Variants in UNC80 observed in about 807,000 individuals in gnomAD.
UNC80 encodes the protein protein unc-80 homolog.
In UNC80, 164 loss-of-function variants were observed where a neutral mutation model predicts 384.6. That is an observed-to-expected ratio of 0.43 (90% confidence interval 0.38 to 0.49). The LOEUF (loss-of-function observed/expected upper bound fraction) is 0.49. Among genes scored for constraint, UNC80 ranks in the 20% least tolerant of loss-of-function variants. UNC80 has a pLI of 0.00. For missense variants in UNC80, 3,330 were observed against 4,143.0 expected (o/e 0.80, Z 5.39); for synonymous variants, 1,486 against 1,527.8 (o/e 0.97, Z 0.64).
At chr2:209,994,806 T>G (rs773390871) in intron 64 of UNC80, among the ~76,000 whole-genome samples, 10 of 152,152 alleles carry the variant, frequency 6.6e-5, no homozygotes, top group Non-Finnish European at 1.5e-4. Flanking sequence ...TTAAAAAAAT[T>G]AAGTTACCAG....
At chr2:209,877,164 G>T (rs1211813769) in intron 23 of UNC80, among the ~76,000 whole-genome samples, 2 of 151,996 alleles carry the variant, frequency 1.3e-5, no homozygotes, top group Non-Finnish European at 2.9e-5. Context: ...TTCTATTGTT[G>T]CATGCAGTAT....
intron 40 of UNC80, among the ~76,000 whole-genome samples, chr2:209,936,301 A>G (rs1334130689): frequency 6.6e-6 from 1 of 152,210 alleles, no homozygotes; most frequent in Non-Finnish European, 1.5e-5. Context: ...ATCAAGTGAT[A>G]AGACTTCTCT....
intron 53 of UNC80, 99 bp downstream of exon 53, chr2:209,969,990 C>A: frequency 1.4e-6 from 2 of 1,443,386 alleles, no homozygotes; most frequent in Non-Finnish European, 1.9e-6. Context: ...CTTTGTGCCC[C>A]TATCTGCCCA....
chr2:209,808,878 G>A (rs1460481140), intron 7 of UNC80: 2 of 313,436 alleles, frequency 6.4e-6, no homozygotes, highest in Non-Finnish European at 1.2e-5. Context: ...TGCCGGACTC[G>A]AATCCAGAGT....
chr2:209,912,766 G>A (rs1346985017), intron 30 of UNC80, 99 bp downstream of exon 30: 2 of 786,314 alleles, frequency 2.5e-6, no homozygotes, highest in Non-Finnish European at 4.0e-6. Context: ...ACATCAGTTG[G>A]TACAGTGTTG....
chr2:209,831,008 C>G (rs1479371650), intron 15 of UNC80, among the ~76,000 whole-genome samples: 3 of 152,136 alleles, frequency 2.0e-5, no homozygotes. Context: ...TTTAGACAGA[C>G]TGAACAATTT....
At chr2:209,957,045 T>C (rs971873018) in intron 48 of UNC80, among the ~76,000 whole-genome samples, 3 of 152,212 alleles carry the variant, frequency 2.0e-5, no homozygotes, top group African/African-American at 7.2e-5. Context: ...AAATTTTACC[T>C]ATTATTTGAA....
At chr2:209,922,421 A>C (rs752260338) in intron 35 of UNC80, 38 bp downstream of exon 35, 4 of 1,539,594 alleles carry the variant, frequency 2.6e-6, no homozygotes, top group Non-Finnish European at 3.5e-6. Context: ...CTCCTGACTT[A>C]TGTGTTTTGA....
At chr2:209,993,714 G>A (rs1052489612) in intron 63 of UNC80, among the ~76,000 whole-genome samples, 1 of 152,166 alleles carries the variant, frequency 6.6e-6, no homozygotes, top group Non-Finnish European at 1.5e-5. Flanking sequence ...TGAAGCCAAG[G>A]ACTGGGTTTG....
chr2:209,848,832 A>G (rs140750396), intron 21 of UNC80, among the ~76,000 whole-genome samples: 1,949 of 152,204 alleles, frequency 0.013, 45 homozygotes, highest in African/African-American at 0.043. Context: ...ACATCCTTGT[A>G]TGTGGTGCAC....
Position 209,888,190 on chromosome 2 carries a change from A to T in UNC80, c.4206A>T (p.Glu1402Asp). Residue 1402 changes from glutamate to aspartate, a missense_variant, in exon 26 of 65, where the codon GAA becomes GAT. Glu to Asp is a conservative substitution (Grantham distance 45). Transcript: ENST00000673920. ...ISFAGVLDEN[E>D]DSKDSLHSSS... ...TTGCTGGGGTCCTGGACGAAAATGA[A>T]GACTCAAAAGATTCTCTCCACAGCA... is the stretch of plus-strand genomic sequence containing the variant. 6.4e-7 allele frequency: 1 copy of T among 1,551,694 alleles called. No individual in the cohort carries two copies. Among genetic ancestry groups the T allele is most frequent in the Non-Finnish European group, 8.7e-7 (1 of 1,146,982 alleles).
intron 7 of UNC80, among the ~76,000 whole-genome samples, chr2:209,797,802 C>G (rs1574485036): frequency 6.6e-6 from 1 of 152,280 alleles, no homozygotes; most frequent in East Asian, 1.9e-4. Context: ...CCTATTTCTC[C>G]ACAGCCTCAC....
Position 209,844,250 on chromosome 2 carries a change from T to A in UNC80, c.3454+1804T>A, listed in dbSNP as rs961424390. ...TATGTGTCATGCTAACTGGATGTCA[T>A]TTGACTGGAGCTGCAATCACATCTT... On this transcript the variant is annotated intron_variant, in intron 21 of 64. Coordinates refer to ENST00000673920, the MANE Select transcript of UNC80 (RefSeq NM_001371986.1). Among the ~76,000 whole-genome samples the A allele has an allele frequency of 3.3e-5, 5 of 152,322 alleles. No homozygotes were observed. In the South Asian group the frequency reaches 1.0e-3, roughly 32 times the overall value.
At chr2:209,777,953 TCTC>T (rs2076956014) in intron 4 of UNC80, among the ~76,000 whole-genome samples, 1 of 152,186 alleles carries the variant, frequency 6.6e-6, no homozygotes. Context: ...ATTGCTCTAT[TCTC>T]CTTTCCCCGC....
chr2:209,873,985 G>GTA (rs1269654962), intron 23 of UNC80, among the ~76,000 whole-genome samples: 1 of 152,036 alleles, frequency 6.6e-6, no homozygotes, highest in Non-Finnish European at 1.5e-5. Flanking sequence ...GTATGTGTGT[G>GTA]TGTGTGTGTG....
intron 47 of UNC80, chr2:209,951,396 C>T (rs532244949): frequency 7.2e-5 from 11 of 152,092 alleles, no homozygotes; most frequent in African/African-American, 2.7e-4. Flanking sequence ...CTCCCGGGTT[C>T]AAGCAGTTCT....
At position 209,967,651 on chromosome 2, in the gene UNC80, C is replaced by T. The variant is rs903778547; in HGVS notation, c.8006+14C>T. ...GCCTACTTTGAGGTGAGAATGCCTC[C>T]GAGTTAGCTGTTGCTATCACAAATG... On this transcript the variant is annotated intron_variant, in intron 52 of 64. Transcript: ENST00000673920. 5.8e-6 allele frequency: 9 copies of T among 1,549,090 alleles called. No individual in the cohort carries two copies. The highest frequency in any genetic ancestry group is 2.4e-5 in the East Asian group (1 of 40,874).
At chr2:209,924,665 C>G (rs1230263694) in intron 35 of UNC80, among the ~76,000 whole-genome samples, 1 of 152,028 alleles carries the variant, frequency 6.6e-6, no homozygotes, top group Admixed American at 6.6e-5. Flanking sequence ...TGCAAGCCCC[C>G]TAGAAATCTC....
intron 22 of UNC80, among the ~76,000 whole-genome samples, chr2:209,870,519 A>G (rs1438746739): frequency 6.6e-6 from 1 of 152,078 alleles, no homozygotes; most frequent in Non-Finnish European, 1.5e-5. Flanking sequence ...TCTTGACCCC[A>G]TGCATTGATG....
Sources: allele counts gnomAD v4.1 joint callset (sites outside exome capture counted in the v4.1 genomes callset), GRCh38; gene constraint gnomAD v4.1.1; transcripts MANE v1.5; gene names NCBI Gene and HGNC (gene_info 2026-07-23, HGNC 2026-07-21).